ETV6: variants seen among roughly 807,000 people sequenced by gnomAD.
ETV6 encodes the protein ETS variant transcription factor 6.
A neutral mutation model predicts 51.1 loss-of-function variants in ETV6; 16 were observed. The ratio of observed to expected loss-of-function variants is 0.31; its 90% CI spans 0.21 to 0.48. The LOEUF is 0.48. Ranked by LOEUF, ETV6 falls within the 20% of genes least tolerant of loss-of-function variation. ETV6 has a pLI of 0.99. For synonymous variants in ETV6, 240 were observed against 224.1 expected (o/e 1.07, Z -0.64); for missense variants, 458 against 594.8 (o/e 0.77, Z 2.39).
intron 2 of ETV6, among the ~76,000 whole-genome samples, chr12:11,765,880 C>T (rs987813403): frequency 3.9e-5 from 6 of 152,132 alleles, no homozygotes; most frequent in African/African-American, 1.2e-4. Context: ...GAGGGGGAAA[C>T]GAGAGTAGGT....
chr12:11,787,860 A>G (rs1303266904), intron 2 of ETV6, among the ~76,000 whole-genome samples: 3 of 152,224 alleles, frequency 2.0e-5, no homozygotes, highest in Non-Finnish European at 4.4e-5. Context: ...CCAATCAAAA[A>G]TATATTAAAA....
intron 1 of ETV6, among the ~76,000 whole-genome samples, chr12:11,653,795 G>T (rs1246097623): frequency 6.6e-6 from 1 of 151,500 alleles, no homozygotes; most frequent in African/African-American, 2.4e-5. Flanking sequence ...CTTATTAATA[G>T]AATTTTGATA....
chr12:11,657,789 TC>T (rs1864028228), intron 1 of ETV6, among the ~76,000 whole-genome samples: 1 of 152,218 alleles, frequency 6.6e-6, no homozygotes, highest in African/African-American at 2.4e-5. Flanking sequence ...ACAGTGTAGT[TC>T]CAGTCACCAC....
intron 1 of ETV6, among the ~76,000 whole-genome samples, chr12:11,676,096 C>T (rs1864417137): frequency 6.6e-6 from 1 of 152,156 alleles, no homozygotes; most frequent in Admixed American, 6.5e-5. Context: ...TTGTTCATGT[C>T]ACTTTCTTTG....
At chr12:11,670,334 G>A (rs1406932351) in intron 1 of ETV6, among the ~76,000 whole-genome samples, 1 of 152,120 alleles carries the variant, frequency 6.6e-6, no homozygotes, top group Non-Finnish European at 1.5e-5. Flanking sequence ...CCTTTTCTTT[G>A]TAAGTGATAT....
intron 7 of ETV6, among the ~76,000 whole-genome samples, chr12:11,890,276 G>T (rs1251914995): frequency 6.6e-6 from 1 of 152,100 alleles, no homozygotes; most frequent in South Asian, 2.1e-4. Flanking sequence ...TGGAATGGAA[G>T]TGGATATACA....
chr12:11,661,340 TG>T (rs1427985606), intron 1 of ETV6, among the ~76,000 whole-genome samples: 1 of 152,236 alleles, frequency 6.6e-6, no homozygotes, highest in Non-Finnish European at 1.5e-5. Context: ...TAAAGATCCG[TG>T]TCATGAGTTC....
At chr12:11,822,488 C>T (rs911287116) in intron 2 of ETV6, among the ~76,000 whole-genome samples, 9 of 152,210 alleles carry the variant, frequency 5.9e-5, no homozygotes, top group Non-Finnish European at 8.8e-5. Context: ...AACATATACC[C>T]TTTACTGTTC....
In ETV6 at chr12:11,735,820, G is replaced by A. The variant is rs573666273; in HGVS notation, c.34-16630G>A. On this transcript the variant is annotated intron_variant, in intron 1 of 7. Coordinates refer to ENST00000396373, the MANE Select transcript of ETV6 (RefSeq NM_001987.5). ...TCACCATGTTGCCCAGACTGGTCTC[G>A]AACTCCTGACCTCAGGTGATCCACC... 2.3e-3 allele frequency among the ~76,000 whole-genome samples: 353 copies of A among 152,286 alleles called. 1 individual carries two copies. Among genetic ancestry groups the A allele is most frequent in the African/African-American group, 8.2e-3 (341 of 41,552 alleles).
chr12:11,827,070 T>TCACACACACACACACA, intron 2 of ETV6, among the ~76,000 whole-genome samples: 1 of 145,058 alleles, frequency 6.9e-6, no homozygotes, highest in East Asian at 2.1e-4. Flanking sequence ...GAAGTCTGTC[T>TCACACACACACACACA]CACACACACA....
At chr12:11,750,082 C>T (rs1359772607) in intron 1 of ETV6, among the ~76,000 whole-genome samples, 1 of 152,162 alleles carries the variant, frequency 6.6e-6, no homozygotes, top group Non-Finnish European at 1.5e-5. Context: ...CAGTTGTCTC[C>T]ATCTAAAATT....
At chr12:11,798,176 T>C (rs1945703979) in intron 2 of ETV6, among the ~76,000 whole-genome samples, 1 of 152,064 alleles carries the variant, frequency 6.6e-6, no homozygotes, top group Non-Finnish European at 1.5e-5. Flanking sequence ...ACCAACAAAT[T>C]AGAACGTAGG....
At chr12:11,773,488 C>G (rs2136355752) in intron 2 of ETV6, among the ~76,000 whole-genome samples, 1 of 152,286 alleles carries the variant, frequency 6.6e-6, no homozygotes, top group Non-Finnish European at 1.5e-5. Flanking sequence ...AACATTGGCA[C>G]TGTCTGGTTC....
At chr12:11,732,291 G>A (rs899630332) in intron 1 of ETV6, among the ~76,000 whole-genome samples, 6 of 152,062 alleles carry the variant, frequency 3.9e-5, no homozygotes, top group Non-Finnish European at 7.4e-5. Context: ...GGTGAAAAAC[G>A]AAAACAAGAA....
intron 1 of ETV6, among the ~76,000 whole-genome samples, chr12:11,703,100 T>C (rs1012511795): frequency 6.6e-6 from 1 of 152,044 alleles, no homozygotes; most frequent in African/African-American, 2.4e-5. Context: ...GAGTGAGACC[T>C]CCTCTGGAAG....
intron 2 of ETV6, among the ~76,000 whole-genome samples, chr12:11,788,568 T>C (rs943131308): frequency 6.6e-6 from 1 of 152,236 alleles, no homozygotes; most frequent in African/African-American, 2.4e-5. Flanking sequence ...GATACTATGA[T>C]GTGTGGAGTT....
intron 2 of ETV6, among the ~76,000 whole-genome samples, chr12:11,794,997 G>A (rs1945655867): frequency 6.6e-6 from 1 of 152,164 alleles, no homozygotes; most frequent in African/African-American, 2.4e-5. Flanking sequence ...GATGTCCATG[G>A]CATGCCATTA....
In ETV6 at chr12:11,874,160, G is replaced by A. The variant is rs1351236197; in HGVS notation, c.1009+4191G>A. Among the ~76,000 whole-genome samples the A allele has an allele frequency of 4.2e-5, 2 of 47,122 alleles. 1 individual carries two copies. The highest frequency in any genetic ancestry group is 1.8e-4 in the African/African-American group (2 of 10,960). 30.9% of individuals were successfully genotyped at this position (47,122 alleles called of 152,430 possible). A position where few individuals can be genotyped will look rare whatever the true frequency, so the allele number is the denominator to read the frequency against. ...GAAGGCCAAGGCTGGCAGATCACCT[G>A]AGGTCAGGATTTCGAGACCAGCCTG... is the stretch of plus-strand genomic sequence containing the variant. On this transcript the variant is annotated intron_variant, in intron 5 of 7. Transcript: ENST00000396373.
Position 11,891,113 on chromosome 12 carries a change from A to T in ETV6, c.*67A>T. The T allele has an allele frequency of 8.0e-7, 1 of 1,243,784 alleles. No homozygotes were observed. Among genetic ancestry groups the T allele is most frequent in the Non-Finnish European group, 1.2e-6 (1 of 860,446 alleles). 77.0% of individuals were successfully genotyped at this position (1,243,784 alleles called of 1,614,324 possible). Reference sequence around the variant, plus strand: ...ACCCCTGCCCACCAGGATTGCTGGAAGTGTGACGGAGCAGGCGGGCTGAGG... The same window carrying T: ...ACCCCTGCCCACCAGGATTGCTGGATGTGTGACGGAGCAGGCGGGCTGAGG... On this transcript the variant is annotated 3_prime_UTR_variant, in exon 8 of 8. Coordinates refer to ENST00000396373, the MANE Select transcript of ETV6 (RefSeq NM_001987.5).
Sources: gnomAD v4.1 joint callset for allele counts (sites outside exome capture counted in the v4.1 genomes callset) on GRCh38, gnomAD v4.1.1 for gene constraint, MANE v1.5 for transcripts, NCBI Gene and HGNC (gene_info 2026-07-23, HGNC 2026-07-21) for gene names.